ASB18: variants seen among roughly 807,000 people sequenced by gnomAD.
ASB18 encodes ankyrin repeat and SOCS box protein 18.
ASB18 carries 33 observed loss-of-function variants against 33.4 expected under a neutral mutation model. The observed-to-expected ratio is 0.99, with a 90% CI of 0.75 to 1.32. ASB18 has a LOEUF of 1.32. Among genes scored for constraint, ASB18 ranks in the 40% most tolerant of loss-of-function variants. The pLI, the probability that ASB18 is intolerant of heterozygous loss-of-function variation, is 0.00. For missense variants in ASB18, 694 were observed against 655.5 expected (o/e 1.06, Z -0.64); for synonymous variants, 295 against 307.6 (o/e 0.96, Z 0.43).
rs535757701 is a variant in ASB18 at position 236,209,326 on chromosome 2, G to A, written c.1101+5036C>T. On this transcript the variant is annotated intron_variant, in intron 4 of 5. Coordinates refer to ENST00000409749, the MANE Select transcript of ASB18 (RefSeq NM_212556.4). This position sits in a 1 kb window ranked among gnomAD's most constrained non-coding sequence, Gnocchi z 4.4. ...CTTGCTCTGTCGTCCAGGCTGGAGT[G>A]TAGTATTGCAATCATGGCTCACTGC... Among the ~76,000 whole-genome samples the A allele has an allele frequency of 6.6e-6, 1 of 150,484 alleles. No individual in the cohort carries two copies. The highest frequency in any genetic ancestry group is 2.1e-4 in the South Asian group (1 of 4,740).
rs1030022258 is a variant in ASB18 at position 236,194,638 on chromosome 2, C to T, written c.*234G>A. On this transcript the variant is annotated 3_prime_UTR_variant, in exon 6 of 6. Transcript: ENST00000409749. This position sits in a 1 kb window ranked among gnomAD's most constrained non-coding sequence, Gnocchi z 4.5. ...CCCAGACCAAGTGCTGTGATAGTCA[C>T]GATTTCACTGGATTTTCACAAGCGA... Among the ~76,000 whole-genome samples, 3 of 152,150 alleles carry T rather than the reference C, an allele frequency of 2.0e-5. No homozygotes were observed. The highest frequency in any genetic ancestry group is 3.9e-4 in the East Asian group (2 of 5,194).
rs1176735085 is a variant in ASB18 at position 236,239,628 on chromosome 2, C to T, written c.328+1652G>A. ...CCTCTAAGCATCAGCTCCCCCATGT[C>T]AGTGCTCTCTATGACTGTGGGCTGG... On this transcript the variant is annotated intron_variant, in intron 2 of 5. Transcript: ENST00000409749. The surrounding 1 kb of genome is among the most constrained non-coding windows in gnomAD (Gnocchi z 5.6). Among the ~76,000 whole-genome samples, 1 of 152,226 alleles carries T rather than the reference C, an allele frequency of 6.6e-6. No homozygotes were observed. Among genetic ancestry groups the T allele is most frequent in the Non-Finnish European group, 1.5e-5 (1 of 68,038 alleles).
In ASB18 at chr2:236,264,238, G is replaced by C; in HGVS notation, c.108C>G (p.Ile36Met). The change falls in exon 1 of 6, where the codon ATC becomes ATG. Residue 36 changes from isoleucine (I) to methionine (M), a missense_variant. By Grantham distance (10) the Ile-to-Met change is conservative. Coordinates refer to ENST00000409749, the MANE Select transcript of ASB18 (RefSeq NM_212556.4). This position sits in a 1 kb window ranked among gnomAD's most constrained non-coding sequence, Gnocchi z 5.1. ...CGTCCACAGGCGTGATTTCAGTGCA[G>C]ATTAAATCCCTCACTCTCTCCTCAT... ...AKDEERVRDL[I>M]CTEITPVDAV... 1.2e-6 allele frequency: 2 copies of C among 1,613,932 alleles called. No individual in the cohort carries two copies. The highest frequency in any genetic ancestry group is 8.5e-7 in the Non-Finnish European group (1 of 1,179,848).
chr2:236,250,478 A>G lies in ASB18; in HGVS notation c.206-9076T>C, dbSNP rs2060663728. ...GCAGGAAGTCATTACTCTTGTGGAC[A>G]TTGTGAAATTCCGTGCATTCTTTCT... On this transcript the variant is annotated intron_variant, in intron 1 of 5. Coordinates refer to ENST00000409749, the MANE Select transcript of ASB18 (RefSeq NM_212556.4). This position sits in a 1 kb window ranked among gnomAD's most constrained non-coding sequence, Gnocchi z 4.1. 1 of 152,250 alleles carries G rather than the reference A, an allele frequency of 6.6e-6. No individual in the cohort carries two copies. The highest frequency in any genetic ancestry group is 2.1e-4 in the South Asian group (1 of 4,836). The allele number at this position is 152,250 out of a possible 1,614,324, so 9.4% of individuals were successfully genotyped here. A position where few individuals can be genotyped will look rare whatever the true frequency, so the allele number is the denominator to read the frequency against.
In ASB18 at chr2:236,204,387, G is replaced by A. The variant is rs12472312; in HGVS notation, c.1102-8002C>T. 0.17 allele frequency among the ~76,000 whole-genome samples: 26,150 copies of A among 152,042 alleles called. 2,250 individuals are homozygous for A. Among genetic ancestry groups the A allele is most frequent in the South Asian group, 0.25 (1,200 of 4,812 alleles). On this transcript the variant is annotated intron_variant, in intron 4 of 5. Transcript: ENST00000409749. The surrounding 1 kb of genome is among the most constrained non-coding windows in gnomAD (Gnocchi z 5.1). ...TCCACCTCACTGGTTGCCCCTCCTC[G>A]GTTTCCTTAGCTGCTGTCTCATCTC... is the stretch of plus-strand genomic sequence containing the variant.
At position 236,253,581 on chromosome 2, in the gene ASB18, TCTCA is replaced by T. The variant is rs2060678308; in HGVS notation, c.205+10556_205+10559del. Among the ~76,000 whole-genome samples, 1 of 151,754 alleles carries T rather than the reference TCTCA, an allele frequency of 6.6e-6. No individual in the cohort carries two copies. Among genetic ancestry groups the T allele is most frequent in the African/African-American group, 2.4e-5 (1 of 41,292 alleles). ...ATTATTATTGTGGTGGGAGATGGGG[TCTCA>T]CTGTGTTGCCCAGGCTGGTCTCTAA... On this transcript the variant is annotated intron_variant, in intron 1 of 5. Transcript: ENST00000409749. The surrounding 1 kb of genome is among the most constrained non-coding windows in gnomAD (Gnocchi z 5.4).
rs980955317 is a variant in ASB18 at position 236,203,250 on chromosome 2, G to A, written c.1102-6865C>T. ...TGTGGTCATATGAGGGGGAGTTCAG[G>A]GGAAGATTTCTGGAAGAAGTGACAT... On this transcript the variant is annotated intron_variant, in intron 4 of 5. Coordinates refer to ENST00000409749, the MANE Select transcript of ASB18 (RefSeq NM_212556.4). The surrounding 1 kb of genome is among the most constrained non-coding windows in gnomAD (Gnocchi z 6.0). Among the ~76,000 whole-genome samples the A allele has an allele frequency of 1.7e-4, 26 of 152,156 alleles. No individual in the cohort carries two copies. The highest frequency in any genetic ancestry group is 6.3e-4 in the African/African-American group (26 of 41,432).
rs2106287668 is a variant in ASB18, at chr2:236,260,134, CTTTTCT to C, written c.205+4001_205+4006del. ...TGTTAACATGCAGAGCGAATGGTTA[CTTTTCT>C]TTTTCTTATTTTTTCACATTGTCAT... On this transcript the variant is annotated intron_variant, in intron 1 of 5. Coordinates refer to ENST00000409749, the MANE Select transcript of ASB18 (RefSeq NM_212556.4). This position sits in a 1 kb window ranked among gnomAD's most constrained non-coding sequence, Gnocchi z 5.1. Among the ~76,000 whole-genome samples, 2 of 152,318 alleles carry C rather than the reference CTTTTCT, an allele frequency of 1.3e-5. No individual in the cohort carries two copies. The highest frequency in any genetic ancestry group is 4.8e-5 in the African/African-American group (2 of 41,576).
rs138865616 is a variant in ASB18 at position 236,250,893 on chromosome 2, A to C, written c.206-9491T>G. Reference sequence around the variant, plus strand: ...TATCTCAACCTCCTCTCTGAATAACAATGTTAGCACAGCACACCTCATTTA... The same window carrying C: ...TATCTCAACCTCCTCTCTGAATAACCATGTTAGCACAGCACACCTCATTTA... On this transcript the variant is annotated intron_variant, in intron 1 of 5. Transcript: ENST00000409749. This position sits in a 1 kb window ranked among gnomAD's most constrained non-coding sequence, Gnocchi z 4.1. 3.2e-3 allele frequency among the ~76,000 whole-genome samples: 483 copies of C among 152,362 alleles called. 3 individuals carry two copies. The highest frequency in any genetic ancestry group is 7.0e-3 in the African/African-American group (291 of 41,578).
chr2:236,212,606 C>T (rs1657295121), intron 4 of ASB18, among the ~76,000 whole-genome samples: 1 of 152,084 alleles, frequency 6.6e-6, no homozygotes, highest in South Asian at 2.1e-4. Flanking sequence ...TTTGGCCCAT[C>T]CTGTAACTTT....
Position 236,237,831 on chromosome 2 carries a change from CGCCGGGGCT to C in ASB18, c.445_453del (p.Ser149_Gly151del). 1 of 1,375,216 alleles carries C rather than the reference CGCCGGGGCT, an allele frequency of 7.3e-7. No homozygotes were observed. The highest frequency in any genetic ancestry group is 9.3e-7 in the Non-Finnish European group (1 of 1,075,660). 85.2% of individuals were successfully genotyped at this position (1,375,216 alleles called of 1,614,324 possible). A position where few individuals can be genotyped will look rare whatever the true frequency, so the allele number is the denominator to read the frequency against. ...CAGGCCTCGTGCAGGGCGCCGCGGC[CGCCGGGGCT>C]GGCGTCTGGGTCTGCGCCGCGGCCG... On this transcript the variant is annotated inframe_deletion, in exon 3 of 6. Coordinates refer to ENST00000409749, the MANE Select transcript of ASB18 (RefSeq NM_212556.4). The surrounding 1 kb of genome is among the most constrained non-coding windows in gnomAD (Gnocchi z 6.2).
At position 236,204,002 on chromosome 2, in the gene ASB18, AGATGGTGGTGGCCTCACCTCAGGTGGTGG is replaced by A. The variant is rs1215265686; in HGVS notation, c.1102-7646_1102-7618del. ...AAGAAGATGTGTCCATCTAGGGGAG[AGATGGTGGTGGCCTCACCTCAGGTGGTGG>A]CAGTCAGGAGGGTAGGAGATTTTGA... is the stretch of plus-strand genomic sequence containing the variant. On this transcript the variant is annotated intron_variant, in intron 4 of 5. Transcript: ENST00000409749. The surrounding 1 kb of genome is among the most constrained non-coding windows in gnomAD (Gnocchi z 5.1). 7.2e-5 allele frequency among the ~76,000 whole-genome samples: 11 copies of A among 152,146 alleles called. No homozygotes were observed. Among genetic ancestry groups the A allele is most frequent in the Non-Finnish European group, 1.5e-4 (10 of 68,028 alleles).
At position 236,238,542 on chromosome 2, in the gene ASB18, A is replaced by G. The variant is rs1300550412; in HGVS notation, c.329-586T>C. 6.6e-6 allele frequency among the ~76,000 whole-genome samples: 1 copy of G among 152,178 alleles called. No individual in the cohort carries two copies. Among genetic ancestry groups the G allele is most frequent in the Non-Finnish European group, 1.5e-5 (1 of 68,038 alleles). ...CTCTCTTGCAAGTGGCTGAGTTTTC[A>G]GAAGCACACTTTGATGTGGTGGTCC... On this transcript the variant is annotated intron_variant, in intron 2 of 5. Coordinates refer to ENST00000409749, the MANE Select transcript of ASB18 (RefSeq NM_212556.4). The surrounding 1 kb of genome is among the most constrained non-coding windows in gnomAD (Gnocchi z 5.2).
intron 4 of ASB18, among the ~76,000 whole-genome samples, chr2:236,198,536 T>G (rs1029805735): frequency 6.6e-6 from 1 of 151,872 alleles, no homozygotes; most frequent in Non-Finnish European, 1.5e-5. Flanking sequence ...CCCGGCTGAT[T>G]TTTGTATTTT....
rs900231236 is a variant in ASB18 at position 236,196,149 on chromosome 2, C to G, written c.1215+123G>C. On this transcript the variant is annotated intron_variant, in intron 5 of 5. Coordinates refer to ENST00000409749, the MANE Select transcript of ASB18 (RefSeq NM_212556.4). This position sits in a 1 kb window ranked among gnomAD's most constrained non-coding sequence, Gnocchi z 5.6. ...GAAACGTGCAAATACACCCTCATTT[C>G]CCATTCTTCCTTTTTCAGATGTATA... 1.4e-6 allele frequency: 1 copy of G among 712,840 alleles called. No homozygotes were observed. Among genetic ancestry groups the G allele is most frequent in the Non-Finnish European group, 2.6e-6 (1 of 383,424 alleles). The allele number at this position is 712,840 out of a possible 1,614,324, so 44.2% of individuals were successfully genotyped here.
At chr2:236,199,854 A>T (rs1207523617) in intron 4 of ASB18, among the ~76,000 whole-genome samples, 1 of 152,112 alleles carries the variant, frequency 6.6e-6, no homozygotes, top group Non-Finnish European at 1.5e-5. Context: ...GGCACAGTAG[A>T]TCTTGCATTT....
At position 236,204,689 on chromosome 2, in the gene ASB18, C is replaced by T. The variant is rs1029914460; in HGVS notation, c.1102-8304G>A. On this transcript the variant is annotated intron_variant, in intron 4 of 5. Transcript: ENST00000409749. The surrounding 1 kb of genome is among the most constrained non-coding windows in gnomAD (Gnocchi z 5.1). ...CACCAGGTCCCAACCTGCTGTGCCACCCATAACCTGCCCCATTCCCAAGTG... is the reference window on the plus strand; with the variant it reads ...CACCAGGTCCCAACCTGCTGTGCCATCCATAACCTGCCCCATTCCCAAGTG... 2.6e-5 allele frequency among the ~76,000 whole-genome samples: 4 copies of T among 152,166 alleles called. No individual in the cohort carries two copies. Among genetic ancestry groups the T allele is most frequent in the African/African-American group, 9.7e-5 (4 of 41,434 alleles).
chr2:236,199,643 A>G (rs962061102), intron 4 of ASB18, among the ~76,000 whole-genome samples: 2 of 151,892 alleles, frequency 1.3e-5, no homozygotes, highest in African/African-American at 2.4e-5. Flanking sequence ...TTGAAATAGT[A>G]GAGTATACAT....
Position 236,245,622 on chromosome 2 carries a change from C to T in ASB18, c.206-4220G>A, listed in dbSNP as rs1161997036. Among the ~76,000 whole-genome samples, 2 of 152,206 alleles carry T rather than the reference C, an allele frequency of 1.3e-5. No homozygotes were observed. Among genetic ancestry groups the T allele is most frequent in the Admixed American group, 6.5e-5 (1 of 15,278 alleles). On this transcript the variant is annotated intron_variant, in intron 1 of 5. Transcript: ENST00000409749. The surrounding 1 kb of genome is among the most constrained non-coding windows in gnomAD (Gnocchi z 4.7). ...CCAACACAGCTTAGCCTCCCTTGAC[C>T]TCCAAGACCAGTCCTGATGTCTGTC...
Sources: allele counts gnomAD v4.1 joint callset (sites outside exome capture counted in the v4.1 genomes callset), GRCh38; gene constraint gnomAD v4.1.1; non-coding constraint Gnocchi (gnomAD v3.1); transcripts MANE v1.5; gene names NCBI Gene and HGNC (gene_info 2026-07-23, HGNC 2026-07-21).